Variants in PCDHA6 observed in about 807,000 individuals in gnomAD.
PCDHA6 encodes protocadherin alpha 6, also known as protocadherin alpha-6.
Under a neutral mutation model 60.3 loss-of-function variants are expected in PCDHA6, and 55 were observed. The observed-to-expected ratio is 0.91, with a 90% confidence interval of 0.73 to 1.14. The LOEUF is 1.14. Ranked by LOEUF, PCDHA6 falls within the 50% of genes most tolerant of loss-of-function variation. The pLI, the probability that PCDHA6 is intolerant of heterozygous loss-of-function variation, is 0.00. For missense variants in PCDHA6, 1,327 were observed against 1,256.5 expected (o/e 1.06, Z -0.85); for synonymous variants, 652 against 557.9 (o/e 1.17, Z -2.38).
intron 1 of PCDHA6, chr5:140,927,928 T>C: frequency 6.2e-7 from 1 of 1,614,214 alleles, no homozygotes; most frequent in Non-Finnish European, 8.5e-7. Context: ...CCTGACTCTT[T>C]CGAACCCAGT....
At chr5:140,912,441 G>A (rs1460671133) in intron 1 of PCDHA6, among the ~76,000 whole-genome samples, 2 of 151,478 alleles carry the variant, frequency 1.3e-5, no homozygotes, top group Non-Finnish European at 2.9e-5. Flanking sequence ...GCTGATTTGT[G>A]TGCATTGATT....
chr5:140,873,225 A>G (rs1476513279), intron 1 of PCDHA6, among the ~76,000 whole-genome samples: 2 of 152,224 alleles, frequency 1.3e-5, no homozygotes, highest in African/African-American at 2.4e-5. Context: ...AGAGAAGGCA[A>G]CAATATAAAA....
At chr5:140,856,925 T>G in intron 1 of PCDHA6, 1 of 1,595,180 alleles carries the variant, frequency 6.3e-7, no homozygotes, top group Non-Finnish European at 8.6e-7. Flanking sequence ...AAGGAAATTT[T>G]GGATAAACGA....
chr5:140,856,653 A>G (rs2044134498), intron 1 of PCDHA6: 1 of 1,598,162 alleles, frequency 6.3e-7, no homozygotes, highest in Admixed American at 1.7e-5. Flanking sequence ...CTGGATCGTG[A>G]AGAAAATCCT....
intron 1 of PCDHA6, among the ~76,000 whole-genome samples, chr5:140,964,058 A>C (rs147228403): frequency 1.4e-3 from 207 of 152,356 alleles, no homozygotes; most frequent in Admixed American, 4.3e-3. Flanking sequence ...TGGTGTGGTC[A>C]AGGCATTAGT....
chr5:140,870,658 C>G, intron 1 of PCDHA6: 3 of 1,612,534 alleles, frequency 1.9e-6, no homozygotes, highest in Non-Finnish European at 2.5e-6. Context: ...GGTGTACGCG[C>G]TGCAGCCGTT....
intron 1 of PCDHA6, chr5:140,859,219 T>G (rs901080538): frequency 2.0e-5 from 3 of 149,830 alleles, no homozygotes; most frequent in African/African-American, 4.9e-5. Context: ...CTCTTTCACT[T>G]TAAGGAAGGA....
chr5:140,850,812 A>C, intron 1 of PCDHA6: 1 of 1,598,316 alleles, frequency 6.3e-7, no homozygotes, highest in Non-Finnish European at 8.6e-7. Flanking sequence ...CATGGCCTTC[A>C]GCCCGGGCCT....
intron 1 of PCDHA6, chr5:140,883,933 G>C: frequency 6.2e-7 from 1 of 1,613,398 alleles, no homozygotes; most frequent in Non-Finnish European, 8.5e-7. Flanking sequence ...AGGTGTTCGT[G>C]CTGGACGAGA....
intron 3 of PCDHA6, 71 bp from the exon 4 acceptor site, chr5:141,009,556 A>T: frequency 6.4e-7 from 1 of 1,564,868 alleles, no homozygotes; most frequent in Non-Finnish European, 8.7e-7. Flanking sequence ...GTACTCCTGT[A>T]CTCTACCAGC....
intron 1 of PCDHA6, among the ~76,000 whole-genome samples, chr5:140,923,018 T>G (rs1353684633): frequency 6.6e-6 from 1 of 152,224 alleles, no homozygotes; most frequent in African/African-American, 2.4e-5. Flanking sequence ...GACTGCAGTT[T>G]CGGACTCTAT....
intron 1 of PCDHA6, among the ~76,000 whole-genome samples, chr5:140,833,344 C>A (rs1772415330): frequency 6.6e-6 from 1 of 152,078 alleles, no homozygotes; most frequent in Admixed American, 6.6e-5. Flanking sequence ...GTGAAACATT[C>A]CAGAAAACGA....
intron 3 of PCDHA6, among the ~76,000 whole-genome samples, chr5:141,008,816 C>T (rs2098391999): frequency 6.6e-6 from 1 of 152,190 alleles, no homozygotes; most frequent in African/African-American, 2.4e-5. Context: ...GCTCAATTTA[C>T]AACAGGATTC....
chr5:140,895,841 C>T (rs1389575745), intron 1 of PCDHA6, among the ~76,000 whole-genome samples: 1 of 152,092 alleles, frequency 6.6e-6, no homozygotes, highest in Admixed American at 6.6e-5. Flanking sequence ...GACAAAGTCT[C>T]ACTCTTGTAC....
At chr5:140,967,051 G>C in intron 1 of PCDHA6, 2 of 1,612,562 alleles carry the variant, frequency 1.2e-6, no homozygotes, top group Non-Finnish European at 1.7e-6. Context: ...TGGACCTGAC[G>C]AGTGGAGCGC....
chr5:140,953,670 T>C (rs2094923970), intron 1 of PCDHA6, among the ~76,000 whole-genome samples: 1 of 152,212 alleles, frequency 6.6e-6, no homozygotes, highest in Non-Finnish European at 1.5e-5. Flanking sequence ...TGGAAGGGTC[T>C]GTTTATTATG....
chr5:140,851,814 CAG>C, intron 1 of PCDHA6: 1 of 954,570 alleles, frequency 1.0e-6, no homozygotes, highest in Non-Finnish European at 1.3e-6. Flanking sequence ...ATCCATAAGA[CAG>C]AAATCTGTTT....
At chr5:140,926,840 C>T (rs1427760232) in intron 1 of PCDHA6, 4 of 1,514,378 alleles carry the variant, frequency 2.6e-6, no homozygotes, top group South Asian at 2.7e-5. Flanking sequence ...GAGCATGGTC[C>T]TGGGTCACCG....
At chr5:140,985,377 A>G (rs782189204) in intron 3 of PCDHA6, among the ~76,000 whole-genome samples, 10 of 152,188 alleles carry the variant, frequency 6.6e-5, no homozygotes, top group Non-Finnish European at 5.9e-5. Context: ...CTGGGTCTAT[A>G]TAATCCAGTC....
Sources: gnomAD v4.1 joint callset for allele counts (sites outside exome capture counted in the v4.1 genomes callset) on GRCh38, gnomAD v4.1.1 for gene constraint, MANE v1.5 for transcripts, NCBI Gene and HGNC (gene_info 2026-07-23, HGNC 2026-07-21) for gene names.